RNF19B: variants seen among roughly 807,000 people sequenced by gnomAD.
The protein encoded by RNF19B is ring finger protein 19B, also known as E3 ubiquitin-protein ligase RNF19B.
Under a neutral mutation model 65.5 loss-of-function variants are expected in RNF19B, and 23 were observed. The observed-to-expected ratio is 0.35, with a 90% CI of 0.25 to 0.50. RNF19B has a LOEUF of 0.50. Among genes scored for constraint, RNF19B ranks in the 20% least tolerant of loss-of-function variants. The pLI is 0.98. For missense variants in RNF19B, 794 were observed against 980.0 expected (o/e 0.81, Z 2.53); for synonymous variants, 372 against 379.6 (o/e 0.98, Z 0.23).
chr1:32,933,700 TTA>T (rs1481777788), downstream of RNF19B, among the ~76,000 whole-genome samples: 2 of 152,230 alleles, frequency 1.3e-5, no homozygotes, highest in Non-Finnish European at 2.9e-5. Context: ...GCTTCCTTTC[TTA>T]TATGATATCT....
intron 1 of RNF19B, among the ~76,000 whole-genome samples, chr1:32,959,785 C>A (rs1054286485): frequency 6.6e-6 from 1 of 151,820 alleles, no homozygotes; most frequent in Non-Finnish European, 1.5e-5. Flanking sequence ...CGCCTGTAAT[C>A]CCAGCACTTT....
chr1:32,955,642 AGG>A (rs1274849955), intron 1 of RNF19B, among the ~76,000 whole-genome samples: 6 of 151,636 alleles, frequency 4.0e-5, no homozygotes, highest in African/African-American at 1.5e-4. Context: ...CCAGCTACTC[AGG>A]AGGCTGAGGT....
downstream of RNF19B, among the ~76,000 whole-genome samples, chr1:32,936,073 C>A: frequency 6.6e-6 from 1 of 152,124 alleles, no homozygotes; most frequent in East Asian, 1.9e-4. Flanking sequence ...TAAGAGCTAC[C>A]TGGGACTGCC....
the RNF19B span, among the ~76,000 whole-genome samples, chr1:32,929,406 T>C: frequency 6.6e-6 from 1 of 152,176 alleles, no homozygotes; most frequent in African/African-American, 2.4e-5. Context: ...GACTTCAACA[T>C]ATGATTTTTG....
At position 32,942,419 on chromosome 1, in the gene RNF19B, C is replaced by G. The variant is rs139573150; in HGVS notation, c.1443G>C (p.Gly481=). The G allele has an allele frequency of 6.2e-7, 1 of 1,614,054 alleles. No homozygotes were observed. Among genetic ancestry groups the G allele is most frequent in the African/African-American group, 1.3e-5 (1 of 74,918 alleles). Residue 481 remains glycine, a synonymous_variant, in exon 7 of 9, where the codon GGG becomes GGC. Transcript: ENST00000235150. ...TAGTCAGGCCTTCAATGCTGCTTTC[C>G]CCAATGCTGGGATTCTTGAGGGCTC... The part of the protein sequence containing the change: ...AWRALKNPSI[G]ESSIEGLTSV...
In RNF19B at chr1:32,957,759, G is replaced by A. The variant is rs181376312; in HGVS notation, c.635+6292C>T. On this transcript the variant is annotated intron_variant, in intron 1 of 8. Coordinates refer to ENST00000235150, the MANE Select transcript of RNF19B (RefSeq NM_001300826.2). ...TGAGGCAGAAGAATCGCTTGAACCC[G>A]AGAGGCAGAGGTTGCAGTGAGCTGA... 3.6e-3 allele frequency among the ~76,000 whole-genome samples: 545 copies of A among 152,258 alleles called. 4 individuals are homozygous for A. Among genetic ancestry groups the A allele is most frequent in the African/African-American group, 0.012 (497 of 41,552 alleles).
chr1:32,953,134 C>A (rs1430743184), intron 1 of RNF19B, among the ~76,000 whole-genome samples: 2 of 150,980 alleles, frequency 1.3e-5, no homozygotes, highest in Non-Finnish European at 3.0e-5. Context: ...TTTCTTTTTT[C>A]TTTTTATTTT....
chr1:32,964,396 G>T lies in RNF19B; in HGVS notation c.290C>A (p.Ala97Glu). Residue 97 changes from alanine (A) to glutamate (E), a missense_variant, in exon 1 of 9, where the codon GCG becomes GAG. Physicochemically the swap from Ala to Glu is moderately radical, Grantham distance 107. Around this residue, in one of 3 missense-constraint regions of RNF19B, gnomAD observed 374 missense variants for 423.8 expected, o/e 0.88. Transcript: ENST00000235150. This position sits in a 1 kb window ranked among gnomAD's most constrained non-coding sequence, Gnocchi z 6.5. ...CTCCTCATCGTCGAACCCAGGCTCC[G>T]CCGCCGCCGCCGCGGCCTCCGCCTC... ...EAEAEAAAAA[A>E]EPGFDDEEAA... 3.2e-6 allele frequency: 4 copies of T among 1,252,492 alleles called. No individual in the cohort carries two copies. Among genetic ancestry groups the T allele is most frequent in the Non-Finnish European group, 2.0e-6 (2 of 994,622 alleles). 77.6% of individuals were successfully genotyped at this position (1,252,492 alleles called of 1,614,324 possible).
chr1:32,938,097 T>C (rs1252955299), intron 8 of RNF19B, among the ~76,000 whole-genome samples: 2 of 122,112 alleles, frequency 1.6e-5, no homozygotes, highest in Non-Finnish European at 3.2e-5. Context: ...TCTAGCTCTT[T>C]AAGTTCCATG....
chr1:32,941,287 G>T (rs759227703), intron 7 of RNF19B, among the ~76,000 whole-genome samples: 1 of 152,162 alleles, frequency 6.6e-6, no homozygotes, highest in Non-Finnish European at 1.5e-5. Context: ...GTTCATGCTT[G>T]TAATCCCAGC....
intron 1 of RNF19B, among the ~76,000 whole-genome samples, chr1:32,962,044 C>G (rs965222424): frequency 6.6e-6 from 1 of 151,928 alleles, no homozygotes; most frequent in African/African-American, 2.4e-5. Context: ...CTGATCTCGG[C>G]TCACTGCACC....
the RNF19B span, among the ~76,000 whole-genome samples, chr1:32,929,817 C>A: frequency 6.6e-6 from 1 of 152,138 alleles, no homozygotes; most frequent in Non-Finnish European, 1.5e-5. Context: ...CCATGTATTT[C>A]ATCACTACAG....
rs1459960185 is a variant in RNF19B at position 32,936,897 on chromosome 1, C to G, written c.2105G>C (p.Gly702Ala). 2 of 1,613,814 alleles carry G rather than the reference C, an allele frequency of 1.2e-6. No individual in the cohort carries two copies. Among genetic ancestry groups the G allele is most frequent in the Non-Finnish European group, 1.7e-6 (2 of 1,179,952 alleles). ...AACPSTPRAQGAPSPSAHMNL... is the reference protein window; with the variant it reads ...AACPSTPRAQAAPSPSAHMNL... ...CATATGGGCACTTGGGCTCGGTGCA[C>G]CTTGGGCTCTGGGGGTCGAGGGGCA... Residue 702 changes from glycine (G) to alanine (A), a missense_variant, in exon 9 of 9, where the codon GGT becomes GCT. By Grantham distance (60) the Gly-to-Ala change is moderately conservative. This residue lies in a region of RNF19B where 368 missense variants were observed against 447.3 expected (regional missense o/e 0.82). Coordinates refer to ENST00000235150, the MANE Select transcript of RNF19B (RefSeq NM_001300826.2).
chr1:32,958,838 CTT>C (rs1167647726), intron 1 of RNF19B, among the ~76,000 whole-genome samples: 3 of 152,174 alleles, frequency 2.0e-5, no homozygotes, highest in Non-Finnish European at 4.4e-5. Context: ...AATGAATAGT[CTT>C]AGGCAGGGGA....
intron 1 of RNF19B, among the ~76,000 whole-genome samples, chr1:32,954,477 G>A (rs940340861): frequency 4.0e-5 from 6 of 151,682 alleles, no homozygotes; most frequent in African/African-American, 9.7e-5. Context: ...AGTCACTCAC[G>A]CCTGTAATCC....
chr1:32,955,856 C>CT (rs1430295651), intron 1 of RNF19B, among the ~76,000 whole-genome samples: 1 of 152,184 alleles, frequency 6.6e-6, no homozygotes, highest in African/African-American at 2.4e-5. Flanking sequence ...CTCTCCTACT[C>CT]TGCTCTTTTA....
Position 32,964,354 on chromosome 1 carries a change from C to T in RNF19B, c.332G>A (p.Gly111Asp). The change falls in exon 1 of 9, where the codon GGC (glycine) becomes GAC (aspartate). Residue 111 changes from glycine (G) to aspartate (D), a missense_variant. By Grantham distance (94) the Gly-to-Asp change is moderately conservative. This residue lies in a region of RNF19B where 374 missense variants were observed against 423.8 expected (regional missense o/e 0.88). Coordinates refer to ENST00000235150, the MANE Select transcript of RNF19B (RefSeq NM_001300826.2). This position sits in a 1 kb window ranked among gnomAD's most constrained non-coding sequence, Gnocchi z 6.5. ...FDDEEAAEGG[G>D]PGAEEVECPL... is the part of the protein sequence containing the mutation. ...ACACTCCACCTCCTCCGCGCCCGGG[C>T]CACCGCCCTCCGCCGCCTCCTCATC... The T allele has an allele frequency of 7.1e-7, 1 of 1,415,600 alleles. No individual in the cohort carries two copies. Among genetic ancestry groups the T allele is most frequent in the Non-Finnish European group, 9.2e-7 (1 of 1,086,684 alleles). The allele number at this position is 1,415,600 out of a possible 1,614,324, so 87.7% of individuals were successfully genotyped here.
chr1:32,939,680 G>A (rs1224460032), intron 7 of RNF19B, among the ~76,000 whole-genome samples: 1 of 152,196 alleles, frequency 6.6e-6, no homozygotes. Context: ...TCCCAATAGT[G>A]TCTCAGAGCC....
intron 1 of RNF19B, among the ~76,000 whole-genome samples, chr1:32,959,881 C>CAAAAAAAAAA (rs35488614): frequency 2.1e-5 from 2 of 93,166 alleles, no homozygotes; most frequent in Non-Finnish European, 4.6e-5. Context: ...ACTAAAAATA[C>CAAAAAAAAAA]AAAAAAAAAA....
Sources: allele counts gnomAD v4.1 joint callset (sites outside exome capture counted in the v4.1 genomes callset), GRCh38; gene constraint gnomAD v4.1.1; regional missense constraint gnomAD v4.1.1; non-coding constraint Gnocchi (gnomAD v3.1); transcripts MANE v1.5; gene names NCBI Gene and HGNC (gene_info 2026-07-23, HGNC 2026-07-21).